The following PLXNA4 variants were observed in gnomAD, a reference collection of about 807,000 sequenced individuals.
The protein encoded by PLXNA4 is plexin-A4.
PLXNA4 carries 44 observed loss-of-function variants against 191.8 expected under a neutral mutation model. That is an observed-to-expected ratio of 0.23 (90% CI 0.18 to 0.29). The LOEUF (loss-of-function observed/expected upper bound fraction) is 0.29. Ranked by LOEUF, PLXNA4 falls within the 10% of genes least tolerant of loss-of-function variation. PLXNA4 has a pLI of 1.00. For missense variants in PLXNA4, 1,800 were observed against 2,488.8 expected (o/e 0.72, Z 5.89); for synonymous variants, 1,082 against 1,009.5 (o/e 1.07, Z -1.36).
chr7:132,609,616 G>A (rs533337061), intron 2 of PLXNA4, among the ~76,000 whole-genome samples: 1 of 152,316 alleles, frequency 6.6e-6, no homozygotes, highest in South Asian at 2.1e-4. Context: ...TTTATTTACT[G>A]AATTAGACTA....
intron 3 of PLXNA4, among the ~76,000 whole-genome samples, chr7:132,390,968 G>C (rs756690934): frequency 1.3e-5 from 2 of 152,178 alleles, no homozygotes; most frequent in Non-Finnish European, 2.9e-5. Flanking sequence ...GGGAAGGAAC[G>C]CAGAGGGCAA....
At chr7:132,474,978 G>A (rs1797071168) in intron 3 of PLXNA4, among the ~76,000 whole-genome samples, 1 of 152,148 alleles carries the variant, frequency 6.6e-6, no homozygotes, top group Non-Finnish European at 1.5e-5. Context: ...ACATTAATAT[G>A]CTCATTACTC....
chr7:132,627,648 G>A (rs1179162049), intron 2 of PLXNA4, among the ~76,000 whole-genome samples: 1 of 152,160 alleles, frequency 6.6e-6, no homozygotes, highest in Non-Finnish European at 1.5e-5. Context: ...TTTTATAAAA[G>A]TGTTCAAGTG....
chr7:132,149,637 T>G (rs1795537044), intron 25 of PLXNA4, among the ~76,000 whole-genome samples: 1 of 152,210 alleles, frequency 6.6e-6, no homozygotes, highest in African/African-American at 2.4e-5. Flanking sequence ...GCCAGACGTT[T>G]GGTTTCCAGG....
rs140524352 is a variant in PLXNA4 at position 132,438,909 on chromosome 7, A to C, written c.1371+50383T>G. Among the ~76,000 whole-genome samples, 35 of 152,338 alleles carry C rather than the reference A, an allele frequency of 2.3e-4. 1 individual carries two copies. Among genetic ancestry groups the C allele is most frequent in the African/African-American group, 8.4e-4 (35 of 41,584 alleles). On this transcript the variant is annotated intron_variant, in intron 3 of 31. Transcript: ENST00000321063. ...GTCATCGATGGACTTTCACAGGTTT[A>C]TATGAAACATATGGATGTATTAATT...
chr7:132,156,070 C>A (rs1319635864), intron 25 of PLXNA4, among the ~76,000 whole-genome samples: 1 of 150,132 alleles, frequency 6.7e-6, no homozygotes, highest in East Asian at 2.0e-4. Context: ...TTTCGACTTG[C>A]CAGCCTCCAT....
intron 3 of PLXNA4, among the ~76,000 whole-genome samples, chr7:132,430,165 C>A (rs750379321): frequency 6.6e-5 from 10 of 152,208 alleles, no homozygotes; most frequent in Non-Finnish European, 8.8e-5. Flanking sequence ...TACCAAGTAT[C>A]TTCATTCATT....
intron 5 of PLXNA4, among the ~76,000 whole-genome samples, chr7:132,228,801 C>T (rs1206791297): frequency 6.6e-6 from 1 of 152,194 alleles, no homozygotes; most frequent in Admixed American, 6.5e-5. Context: ...CTCTTCTCCT[C>T]CTTAGGCAAC....
chr7:132,474,597 T>A (rs1797054963), intron 3 of PLXNA4, among the ~76,000 whole-genome samples: 1 of 151,386 alleles, frequency 6.6e-6, no homozygotes, highest in African/African-American at 2.4e-5. Context: ...TCCGAAGTTC[T>A]CCCAAAGAGA....
chr7:132,456,052 C>G (rs1050716582), intron 3 of PLXNA4, among the ~76,000 whole-genome samples: 2 of 151,948 alleles, frequency 1.3e-5, no homozygotes. Context: ...GGAGACAAAA[C>G]CATTTATATG....
intron 1 of PLXNA4, among the ~76,000 whole-genome samples, chr7:132,563,859 C>G (rs1308803627): frequency 8.2e-6 from 1 of 121,332 alleles, no homozygotes; most frequent in Non-Finnish European, 1.8e-5. Context: ...TGCTCCTCCT[C>G]CTCCTCTCCT....
At chr7:132,481,601 G>A (rs1797338746) in intron 3 of PLXNA4, among the ~76,000 whole-genome samples, 1 of 152,172 alleles carries the variant, frequency 6.6e-6, no homozygotes, top group African/African-American at 2.4e-5. Flanking sequence ...CCTACACGGT[G>A]TTCAAAGCTC....
At chr7:132,373,107 G>T (rs1024632467) in intron 3 of PLXNA4, among the ~76,000 whole-genome samples, 2 of 152,086 alleles carry the variant, frequency 1.3e-5, no homozygotes, top group African/African-American at 4.8e-5. Context: ...TTCCCATTTT[G>T]CACGGGCACT....
intron 12 of PLXNA4, among the ~76,000 whole-genome samples, chr7:132,201,273 G>C (rs767634841): frequency 6.6e-6 from 1 of 152,120 alleles, no homozygotes; most frequent in Non-Finnish European, 1.5e-5. Context: ...ACGGCAGGAC[G>C]ATCCATTTCT....
intron 3 of PLXNA4, among the ~76,000 whole-genome samples, chr7:132,389,950 T>A (rs995509818): frequency 6.6e-6 from 1 of 152,212 alleles, no homozygotes; most frequent in Non-Finnish European, 1.5e-5. Flanking sequence ...GAAATAGGAA[T>A]GCTTTTACAC....
At chr7:132,634,531 C>T (rs1803556824) in intron 2 of PLXNA4, among the ~76,000 whole-genome samples, 2 of 152,116 alleles carry the variant, frequency 1.3e-5, no homozygotes, top group Non-Finnish European at 2.9e-5. Context: ...CATCCTATCC[C>T]ACTCTTTGCC....
At chr7:132,296,732 T>C (rs1024740583) in intron 4 of PLXNA4, among the ~76,000 whole-genome samples, 3 of 152,104 alleles carry the variant, frequency 2.0e-5, no homozygotes, top group Non-Finnish European at 4.4e-5. Flanking sequence ...TCCCCTCAGC[T>C]CCTAGGGCCT....
intron 3 of PLXNA4, among the ~76,000 whole-genome samples, chr7:132,418,596 A>G (rs566116349): frequency 6.6e-6 from 1 of 152,334 alleles, no homozygotes; most frequent in South Asian, 2.1e-4. Context: ...TTGAAATTCA[A>G]CAGGCATCCT....
At position 132,185,367 on chromosome 7, in the gene PLXNA4, C is replaced by G. The variant is rs758495689; in HGVS notation, c.3090G>C (p.Gln1030His). The change falls in exon 16 of 32, where the codon CAG (glutamine) becomes CAC (histidine). Residue 1030 changes from glutamine (Q) to histidine (H), a missense_variant. Gln to His is a conservative substitution (Grantham distance 24, BLOSUM62 0). Coordinates refer to ENST00000321063, the MANE Select transcript of PLXNA4 (RefSeq NM_020911.2). ...CTTCCACATACTGAAAGACCAGGTC[C>G]TGGTGGATCTTGGCCCTGTCCACCT... ...SVQVDRAKIHQDLVFQYVEDP... is the reference protein window; with the variant it reads ...SVQVDRAKIHHDLVFQYVEDP... The G allele has an allele frequency of 1.9e-6, 3 of 1,614,126 alleles. No homozygotes were observed. In the Admixed American group the frequency reaches 5.0e-5, roughly 27 times the overall value.
Sources: allele counts gnomAD v4.1 joint callset (sites outside exome capture counted in the v4.1 genomes callset), GRCh38; gene constraint gnomAD v4.1.1; transcripts MANE v1.5; gene names NCBI Gene and HGNC (gene_info 2026-07-23, HGNC 2026-07-21).